The following OR7D4 variants were observed in gnomAD, a reference collection of about 807,000 sequenced individuals.
OR7D4 encodes the protein olfactory receptor 7D4.
For synonymous variants in OR7D4, 154 were observed against 158.4 expected (o/e 0.97, Z 0.21); for missense variants, 319 against 377.1 (o/e 0.85, Z 1.27).
At chr19:9,214,903 A>C in intron 1 of OR7D4, 53 bp from the exon 2 acceptor site, 1 of 907,882 alleles carries the variant, frequency 1.1e-6, no homozygotes, top group Non-Finnish European at 1.7e-6. Context: ...GTGGCAGCTC[A>C]GCTTGTCATC....
In OR7D4 at chr19:9,214,220, C is replaced by T. The variant is rs150001713; in HGVS notation, c.618G>A (p.Leu206=). Residue 206 remains leucine, a synonymous_variant, in exon 2 of 2, where the codon CTG becomes CTA. Coordinates refer to ENST00000641669, the MANE Select transcript of OR7D4 (RefSeq NM_001005191.3). ...GGATCCCAGCTACAGGAAACACACCCAGCAGTGCCGTGGCCACATACAAGA... is the reference window on the plus strand; with the variant it reads ...GGATCCCAGCTACAGGAAACACACCTAGCAGTGCCGTGGCCACATACAAGA... ...NIVLYVATAL[L]GVFPVAGILF... 9.4e-5 allele frequency: 152 copies of T among 1,614,016 alleles called. No individual in the cohort carries two copies. The highest frequency in any genetic ancestry group is 1.2e-4 in the Non-Finnish European group (144 of 1,180,018).
chr19:9,215,357 A>C (rs1048613678), intron 1 of OR7D4, among the ~76,000 whole-genome samples: 1 of 151,874 alleles, frequency 6.6e-6, no homozygotes, highest in African/African-American at 2.4e-5. Context: ...AAAAAAAAAA[A>C]AAAAAAAACC....
At chr19:9,214,937 G>A (rs1226309694) in intron 1 of OR7D4, 87 bp from the exon 2 acceptor site, 10 of 676,480 alleles carry the variant, frequency 1.5e-5, no homozygotes, top group Non-Finnish European at 2.5e-5. Flanking sequence ...ACCTTTTGAT[G>A]GACATTTGTC....
Position 9,213,655 on chromosome 19 carries a change from T to C in OR7D4, c.*244A>G. On this transcript the variant is annotated 3_prime_UTR_variant, in exon 2 of 2. Coordinates refer to ENST00000641669, the MANE Select transcript of OR7D4 (RefSeq NM_001005191.3). ...TGAGAGGCTGAGGCAGGAGAACCGC[T>C]TCAACCTGGGAGGTAGAGGTTGCAG... 2.2e-6 allele frequency: 1 copy of C among 456,316 alleles called. No homozygotes were observed. The highest frequency in any genetic ancestry group is 4.0e-6 in the Non-Finnish European group (1 of 251,332). The allele number at this position is 456,316 out of a possible 1,614,324, so 28.3% of individuals were successfully genotyped here. A position where few individuals can be genotyped will look rare whatever the true frequency, so the allele number is the denominator to read the frequency against.
rs1211496080 is a variant in OR7D4 at position 9,212,432 on chromosome 19, C to T, written c.*1467G>A. On this transcript the variant is annotated 3_prime_UTR_variant, in exon 2 of 2. Coordinates refer to ENST00000641669, the MANE Select transcript of OR7D4 (RefSeq NM_001005191.3). Reference sequence around the variant, plus strand: ...ATGCAAATTAGGATTAGTATGCATTCCAAATCAGTGAAAAATGATAATATC... The same window carrying T: ...ATGCAAATTAGGATTAGTATGCATTTCAAATCAGTGAAAAATGATAATATC... The T allele has an allele frequency of 1.3e-5, 2 of 152,050 alleles. No individual in the cohort carries two copies. Among genetic ancestry groups the T allele is most frequent in the East Asian group, 3.9e-4 (2 of 5,180 alleles). 9.4% of individuals were successfully genotyped at this position (152,050 alleles called of 1,614,324 possible).
chr19:9,217,457 C>G (rs1290070082), intron 1 of OR7D4, among the ~76,000 whole-genome samples: 2 of 152,142 alleles, frequency 1.3e-5, no homozygotes, highest in Non-Finnish European at 2.9e-5. Context: ...TGAAGACCAA[C>G]TTTAGTCCTG....
At chr19:9,216,507 T>G (rs1010606014) in intron 1 of OR7D4, among the ~76,000 whole-genome samples, 1 of 152,064 alleles carries the variant, frequency 6.6e-6, no homozygotes, top group Non-Finnish European at 1.5e-5. Context: ...TATTGAAGAG[T>G]GAAATTAAAT....
chr19:9,218,402 C>T (rs1327121063), intron 1 of OR7D4, among the ~76,000 whole-genome samples: 2 of 152,036 alleles, frequency 1.3e-5, no homozygotes, highest in African/African-American at 4.8e-5. Context: ...AAATCATAAA[C>T]AAAATCACAA....
intron 1 of OR7D4, among the ~76,000 whole-genome samples, chr19:9,215,788 G>T (rs1414375994): frequency 6.6e-6 from 1 of 151,982 alleles, no homozygotes; most frequent in African/African-American, 2.4e-5. Context: ...CTCTTCCAAG[G>T]TATAGCATAG....
intron 1 of OR7D4, among the ~76,000 whole-genome samples, chr19:9,218,642 T>TG (rs1333540454): frequency 2.0e-5 from 3 of 152,092 alleles, no homozygotes; most frequent in African/African-American, 7.2e-5. Flanking sequence ...GGATTTTTTT[T>TG]TGGGGGGGAC....
At chr19:9,216,800 C>T (rs902485400) in intron 1 of OR7D4, among the ~76,000 whole-genome samples, 3 of 152,110 alleles carry the variant, frequency 2.0e-5, no homozygotes, top group Admixed American at 2.0e-4. Context: ...CCATGTTGGC[C>T]AGGTTGGTTT....
At chr19:9,217,572 T>C (rs2051223927) in intron 1 of OR7D4, among the ~76,000 whole-genome samples, 1 of 152,154 alleles carries the variant, frequency 6.6e-6, no homozygotes, top group East Asian at 1.9e-4. Context: ...GGAATCTCGA[T>C]CTGTTGCCCA....
rs1222532410 is a variant in OR7D4 at position 9,211,110 on chromosome 19, T to C, written c.*2789A>G. 2.6e-5 allele frequency: 4 copies of C among 152,304 alleles called. No individual in the cohort carries two copies. Among genetic ancestry groups the C allele is most frequent in the Non-Finnish European group, 5.9e-5 (4 of 68,104 alleles). 9.4% of individuals were successfully genotyped at this position (152,304 alleles called of 1,614,324 possible). On this transcript the variant is annotated 3_prime_UTR_variant, in exon 2 of 2. Transcript: ENST00000641669. ...GAAGGATAGGCCTGGCCTCTGTTGCTCTGTCCCTTGCTTCCCTGCACTGAC... is the reference window on the plus strand; with the variant it reads ...GAAGGATAGGCCTGGCCTCTGTTGCCCTGTCCCTTGCTTCCCTGCACTGAC...
intron 1 of OR7D4, among the ~76,000 whole-genome samples, chr19:9,218,886 G>C (rs912097786): frequency 3.9e-5 from 6 of 151,908 alleles, no homozygotes; most frequent in South Asian, 2.1e-4. Flanking sequence ...TGCCCGCCTC[G>C]GCCTCCCAAA....
rs781137383 is a variant in OR7D4, at chr19:9,214,702, T to C, written c.136A>G (p.Ile46Val). The change falls in exon 2 of 2, where the codon ATT becomes GTT. Residue 46 changes from isoleucine (I) to valine (V), a missense_variant. Ile to Val is a conservative substitution (Grantham distance 29, BLOSUM62 3). Coordinates refer to ENST00000641669, the MANE Select transcript of OR7D4 (RefSeq NM_001005191.3). The stretch of plus-strand genomic sequence containing the variant: ...TGGGAGTCAGAGCTGACGGCCAGAA[T>C]GATGAGCAGGTTCCCCAGCACCGTG... ...LVTVLGNLLI[I>V]LAVSSDSHLH... 1.2e-6 allele frequency: 2 copies of C among 1,613,910 alleles called. No homozygotes were observed. The highest frequency in any genetic ancestry group is 2.2e-5 in the South Asian group (2 of 91,066).
Position 9,214,362 on chromosome 19 carries a change from T to C in OR7D4, c.476A>G (p.His159Arg), listed in dbSNP as rs747329606. 1 of 1,613,930 alleles carries C rather than the reference T, an allele frequency of 6.2e-7. No individual in the cohort carries two copies. Among genetic ancestry groups the C allele is most frequent in the Non-Finnish European group, 8.5e-7 (1 of 1,180,010 alleles). ...GGTCAACCTCTTCATCAGTAGAATA[T>C]GAACCAGGGAGAACCAGAAAATGAT... is the stretch of plus-strand genomic sequence containing the variant. ...WFIIFWFSLV[H>R]ILLMKRLTFS... Residue 159 changes from histidine (H) to arginine (R), a missense_variant, in exon 2 of 2, where the codon CAT becomes CGT. His to Arg is a conservative substitution (Grantham distance 29, BLOSUM62 0). Transcript: ENST00000641669.
rs1037217609 is a variant in OR7D4 at position 9,210,520 on chromosome 19, A to T, written c.*3379T>A. 1 of 152,320 alleles carries T rather than the reference A, an allele frequency of 6.6e-6. No homozygotes were observed. Among genetic ancestry groups the T allele is most frequent in the Non-Finnish European group, 1.5e-5 (1 of 68,114 alleles). The allele number at this position is 152,320 out of a possible 1,614,324, so 9.4% of individuals were successfully genotyped here. A position where few individuals can be genotyped will look rare whatever the true frequency, so the allele number is the denominator to read the frequency against. The stretch of plus-strand genomic sequence containing the variant: ...CTTGAGGCCAGGAATTCAAGGCTGC[A>T]GTGAGCTATGACTGAGCCGCTTCAC... On this transcript the variant is annotated 3_prime_UTR_variant, in exon 2 of 2. Coordinates refer to ENST00000641669, the MANE Select transcript of OR7D4 (RefSeq NM_001005191.3).
chr19:9,215,440 G>C lies in OR7D4; in HGVS notation c.-13-590C>G, dbSNP rs764980778. Among the ~76,000 whole-genome samples the C allele has an allele frequency of 4.0e-5, 6 of 151,014 alleles. No homozygotes were observed. The South Asian group carries it at 1.3e-3, about 32-fold the overall frequency. On this transcript the variant is annotated intron_variant, in intron 1 of 1. Transcript: ENST00000641669. ...TGAACTTAAATCAATTTCTTCTTTG[G>C]TGTGAATCTTCCAAAATAATTAAAG... is the stretch of plus-strand genomic sequence containing the variant.
rs2051186427 is a variant in OR7D4 at position 9,213,576 on chromosome 19, A to G, written c.*323T>C. ...AGTATGGTGGAACCCTGTCTCTACT[A>G]AAAATACAAAAATTAGCTGGCTGTG... On this transcript the variant is annotated 3_prime_UTR_variant, in exon 2 of 2. Transcript: ENST00000641669. The G allele has an allele frequency of 6.9e-6, 2 of 288,136 alleles. No individual in the cohort carries two copies. The highest frequency in any genetic ancestry group is 8.0e-5 in the South Asian group (2 of 24,902). The allele number at this position is 288,136 out of a possible 1,614,324, so 17.8% of individuals were successfully genotyped here.
Sources: gnomAD v4.1 joint callset for allele counts (sites outside exome capture counted in the v4.1 genomes callset) on GRCh38, gnomAD v4.1.1 for gene constraint, MANE v1.5 for transcripts, NCBI Gene and HGNC (gene_info 2026-07-23, HGNC 2026-07-21) for gene names.